SRFBP1: variants seen among roughly 807,000 people sequenced by gnomAD.
SRFBP1 encodes serum response factor-binding protein 1.
A neutral mutation model predicts 45.5 loss-of-function variants in SRFBP1; 47 were observed. That is an observed-to-expected ratio of 1.03 (90% CI 0.82 to 1.32). The LOEUF is 1.32. Ranked by LOEUF, SRFBP1 falls within the 40% of genes most tolerant of loss-of-function variation. SRFBP1 has a pLI of 0.00. For missense variants in SRFBP1, 621 were observed against 484.6 expected (o/e 1.28, Z -2.64); for synonymous variants, 203 against 166.3 (o/e 1.22, Z -1.70).
chr5:121,966,415 A>G (rs574006189), intron 1 of SRFBP1, among the ~76,000 whole-genome samples: 6 of 152,326 alleles, frequency 3.9e-5, no homozygotes, highest in Admixed American at 3.9e-4. Flanking sequence ...CCTCCAGCAC[A>G]GTACCTTGTC....
chr5:122,032,308 C>T (rs1386155366), downstream of SRFBP1, among the ~76,000 whole-genome samples: 3 of 150,156 alleles, frequency 2.0e-5, no homozygotes, highest in Non-Finnish European at 3.0e-5. Flanking sequence ...CAACACTGTT[C>T]GTGAAGTCAG....
chr5:121,991,052 T>C (rs1752612045), intron 3 of SRFBP1, among the ~76,000 whole-genome samples: 1 of 152,114 alleles, frequency 6.6e-6, no homozygotes, highest in African/African-American at 2.4e-5. Context: ...TGATGTATTG[T>C]CAGGTAAGGG....
intron 4 of SRFBP1, among the ~76,000 whole-genome samples, chr5:122,018,509 A>G (rs575113319): frequency 2.0e-5 from 3 of 152,314 alleles, no homozygotes; most frequent in African/African-American, 4.8e-5. Context: ...ATTACATACA[A>G]TAAGATGGAA....
intron 2 of SRFBP1, chr5:122,065,313 C>T (rs1371373202): frequency 6.6e-6 from 1 of 152,014 alleles, no homozygotes; most frequent in Non-Finnish European, 1.5e-5. Flanking sequence ...TTTAAAATTC[C>T]ACCTAACATG....
At chr5:121,976,806 C>T (rs1253408209) in intron 3 of SRFBP1, among the ~76,000 whole-genome samples, 5 of 150,618 alleles carry the variant, frequency 3.3e-5, no homozygotes, top group Non-Finnish European at 5.9e-5. Flanking sequence ...GCTACTCTGA[C>T]TTTAACTTCT....
chr5:121,968,500 T>C (rs755389784), intron 1 of SRFBP1, among the ~76,000 whole-genome samples: 1 of 152,190 alleles, frequency 6.6e-6, no homozygotes, highest in East Asian at 1.9e-4. Flanking sequence ...ATGTTACTTT[T>C]CAGGTTTTAT....
chr5:122,002,633 A>T (rs1456789715), intron 4 of SRFBP1, among the ~76,000 whole-genome samples: 1 of 152,216 alleles, frequency 6.6e-6, no homozygotes, highest in Non-Finnish European at 1.5e-5. Context: ...AGTTCATGGC[A>T]GTAATTATGT....
intron 1 of SRFBP1, among the ~76,000 whole-genome samples, chr5:121,964,540 T>A (rs1377120821): frequency 1.3e-5 from 2 of 152,202 alleles, no homozygotes; most frequent in African/African-American, 4.8e-5. Context: ...TTTTTATGGC[T>A]GCATAGTATT....
downstream of SRFBP1, among the ~76,000 whole-genome samples, chr5:122,029,128 G>T (rs980254090): frequency 6.6e-6 from 1 of 151,810 alleles, no homozygotes; most frequent in Non-Finnish European, 1.5e-5. Context: ...ATAGTCAAGG[G>T]TTGGGGGTGG....
intron 4 of SRFBP1, among the ~76,000 whole-genome samples, chr5:122,017,757 G>A (rs575784733): frequency 6.6e-6 from 1 of 152,202 alleles, no homozygotes; most frequent in African/African-American, 2.4e-5. Flanking sequence ...TTTGGTATTC[G>A]TACATTTATA....
chr5:122,070,076 A>G (rs1197967023), intron 2 of SRFBP1: 1 of 1,611,998 alleles, frequency 6.2e-7, no homozygotes, highest in Admixed American at 1.7e-5. Flanking sequence ...AGCCTGAGGC[A>G]TACGCATGAT....
intron 3 of SRFBP1, among the ~76,000 whole-genome samples, chr5:121,976,629 C>T (rs1020099828): frequency 2.0e-5 from 3 of 151,446 alleles, no homozygotes; most frequent in Non-Finnish European, 4.4e-5. Flanking sequence ...CCTGTAATTT[C>T]TTCTGAATAG....
intron 3 of SRFBP1, among the ~76,000 whole-genome samples, chr5:121,989,045 AG>A (rs1044621977): frequency 5.4e-5 from 8 of 148,882 alleles, no homozygotes; most frequent in Admixed American, 1.3e-4. Context: ...TGAAAAAAAA[AG>A]ATATTGGAAT....
At chr5:122,011,692 T>C (rs977650829) in intron 4 of SRFBP1, among the ~76,000 whole-genome samples, 1 of 152,166 alleles carries the variant, frequency 6.6e-6, no homozygotes, top group Non-Finnish European at 1.5e-5. Flanking sequence ...TGTCCTCATG[T>C]GTAAGACAGT....
Position 122,020,810 on chromosome 5 carries a change from T to C in SRFBP1, c.1067+8T>C, listed in dbSNP as rs776784175. The C allele has an allele frequency of 5.2e-6, 8 of 1,530,986 alleles. No homozygotes were observed. Among genetic ancestry groups the C allele is most frequent in the Non-Finnish European group, 7.0e-6 (8 of 1,144,838 alleles). The allele number at this position is 1,530,986 out of a possible 1,614,324, so 94.8% of individuals were successfully genotyped here. On this transcript the variant is annotated splice_region_variant and intron_variant, in intron 6 of 7. Coordinates refer to ENST00000339397, the MANE Select transcript of SRFBP1 (RefSeq NM_152546.3). ...ATCTAAAAGCTCTAGAAGGTAAGAT[T>C]CTTTTTCTATTCTGAAATAATCATT...
chr5:122,006,775 C>A (rs968833361), intron 4 of SRFBP1, among the ~76,000 whole-genome samples: 2 of 151,878 alleles, frequency 1.3e-5, no homozygotes, highest in Non-Finnish European at 2.9e-5. Context: ...TTAATTTTCT[C>A]ATTTTGGTAT....
chr5:121,992,673 T>C (rs2112672771), intron 3 of SRFBP1, among the ~76,000 whole-genome samples: 1 of 152,292 alleles, frequency 6.6e-6, no homozygotes, highest in South Asian at 2.1e-4. Flanking sequence ...ATTGTAATCA[T>C]GCTTTGTGTT....
chr5:122,053,756 A>T (rs2152578678), intron 2 of SRFBP1, among the ~76,000 whole-genome samples: 1 of 152,168 alleles, frequency 6.6e-6, no homozygotes, highest in South Asian at 2.1e-4. Flanking sequence ...CCTCCAGTTG[A>T]GTTCACACAG....
At chr5:122,048,697 C>T (rs1737265600) in intron 2 of SRFBP1, among the ~76,000 whole-genome samples, 2 of 152,102 alleles carry the variant, frequency 1.3e-5, no homozygotes, top group Admixed American at 1.3e-4. Context: ...GATTGGTAAG[C>T]TATTAATTAT....
Sources: gnomAD v4.1 joint callset for allele counts (sites outside exome capture counted in the v4.1 genomes callset) on GRCh38, gnomAD v4.1.1 for gene constraint, MANE v1.5 for transcripts, NCBI Gene and HGNC (gene_info 2026-07-23, HGNC 2026-07-21) for gene names.